Variants in ST7 observed in about 807,000 individuals in gnomAD.
ST7 encodes suppressor of tumorigenicity 7 protein.
ST7 carries 28 observed loss-of-function variants against 78.7 expected under a neutral mutation model. That is an observed-to-expected ratio of 0.36 (90% CI 0.26 to 0.49). ST7 has a LOEUF of 0.49. Among genes scored for constraint, ST7 ranks in the 20% least tolerant of loss-of-function variants. The pLI is 0.99. For missense variants in ST7, 418 were observed against 696.0 expected (o/e 0.60, Z 4.49); for synonymous variants, 247 against 249.6 (o/e 0.99, Z 0.10).
intron 10 of ST7, among the ~76,000 whole-genome samples, chr7:117,175,770 A>G (rs1584519714): frequency 6.6e-6 from 1 of 152,248 alleles, no homozygotes; most frequent in Admixed American, 6.5e-5. Context: ...TGGGACACAC[A>G]GTAAGAGTTC....
chr7:117,004,464 C>T lies in ST7; in HGVS notation c.151+50773C>T, dbSNP rs946920360. The stretch of plus-strand genomic sequence containing the variant: ...TCATATGAGGTCAGGAGTTCGAGAC[C>T]AGCCTGGCTAACATGGCGAAACCCC... On this transcript the variant is annotated intron_variant, in intron 1 of 15. Coordinates refer to ENST00000323984, the MANE Select transcript of ST7 (RefSeq NM_001369598.1). Among the ~76,000 whole-genome samples the T allele has an allele frequency of 9.1e-4, 138 of 152,174 alleles. 1 individual carries two copies. Among genetic ancestry groups the T allele is most frequent in the Non-Finnish European group, 2.1e-4 (14 of 68,012 alleles).
intron 3 of ST7, among the ~76,000 whole-genome samples, chr7:117,125,121 T>A (rs1386601776): frequency 1.3e-5 from 2 of 152,174 alleles, no homozygotes; most frequent in Non-Finnish European, 2.9e-5. Flanking sequence ...CACATCTTTT[T>A]AAAATCCTTT....
intron 1 of ST7, among the ~76,000 whole-genome samples, chr7:117,093,811 G>A (rs1288419368): frequency 1.3e-5 from 2 of 152,182 alleles, no homozygotes; most frequent in African/African-American, 4.8e-5. Context: ...ATTATGTTTA[G>A]CTCTTGTGAC....
chr7:117,220,867 G>A (rs1375449677), intron 14 of ST7, among the ~76,000 whole-genome samples: 1 of 152,166 alleles, frequency 6.6e-6, no homozygotes, highest in Non-Finnish European at 1.5e-5. Flanking sequence ...GTTCCTCCTG[G>A]ATTCCCTCCA....
chr7:117,141,614 C>G (rs2117092435), intron 9 of ST7, among the ~76,000 whole-genome samples: 1 of 152,272 alleles, frequency 6.6e-6, no homozygotes. Context: ...AATATTTTGG[C>G]AGTAAGCAGA....
rs930156543 is a variant in ST7 at position 117,229,959 on chromosome 7, C to A, written c.*102C>A. 5.7e-6 allele frequency: 6 copies of A among 1,056,598 alleles called. No individual in the cohort carries two copies. The highest frequency in any genetic ancestry group is 5.1e-5 in the Admixed American group (3 of 58,848). The allele number at this position is 1,056,598 out of a possible 1,614,324, so 65.5% of individuals were successfully genotyped here. Reference sequence around the variant, plus strand: ...AAAGCATGACTTTGAAAAAGGGAAGCCATTCCGAGATTTTAAAATGTTCAT... The same window carrying A: ...AAAGCATGACTTTGAAAAAGGGAAGACATTCCGAGATTTTAAAATGTTCAT... On this transcript the variant is annotated 3_prime_UTR_variant, in exon 16 of 16. Transcript: ENST00000323984.
intron 12 of ST7, among the ~76,000 whole-genome samples, chr7:117,204,920 A>G (rs1791600327): frequency 6.6e-6 from 1 of 152,174 alleles, no homozygotes; most frequent in Admixed American, 6.5e-5. Context: ...GCTTATTACA[A>G]GCCAGGCATG....
chr7:117,091,417 C>T (rs1003545290), intron 1 of ST7, among the ~76,000 whole-genome samples: 1 of 151,930 alleles, frequency 6.6e-6, no homozygotes, highest in Admixed American at 6.6e-5. Flanking sequence ...AGAAAAAAAA[C>T]CACTTACTGG....
At chr7:117,188,517 G>T (rs564091165) in intron 10 of ST7, among the ~76,000 whole-genome samples, 1 of 152,132 alleles carries the variant, frequency 6.6e-6, no homozygotes, top group Non-Finnish European at 1.5e-5. Context: ...TGCCCTCTTT[G>T]AGTTTATCTA....
chr7:116,989,685 T>C (rs879496265), intron 1 of ST7, among the ~76,000 whole-genome samples: 1 of 151,560 alleles, frequency 6.6e-6, no homozygotes, highest in Admixed American at 6.6e-5. Context: ...AAAAAAATTT[T>C]TTAATTAGCT....
intron 12 of ST7, among the ~76,000 whole-genome samples, chr7:117,207,151 T>C (rs1791837139): frequency 3.4e-5 from 1 of 29,078 alleles, no homozygotes; most frequent in Non-Finnish European, 1.2e-4. Flanking sequence ...TTCTTTTCAT[T>C]TTTTTTTTTT....
intron 1 of ST7, among the ~76,000 whole-genome samples, chr7:116,998,533 G>A (rs1277457197): frequency 2.0e-5 from 3 of 152,250 alleles, no homozygotes; most frequent in Admixed American, 6.5e-5. Context: ...CAAGGGCTGC[G>A]AGGGCTGCCA....
intron 9 of ST7, among the ~76,000 whole-genome samples, chr7:117,167,974 G>A (rs947747665): frequency 6.6e-6 from 1 of 152,146 alleles, no homozygotes; most frequent in Non-Finnish European, 1.5e-5. Context: ...AGCCAAGGAA[G>A]TTGTGGGCTT....
At chr7:117,041,770 G>A (rs1178977801) in intron 1 of ST7, among the ~76,000 whole-genome samples, 1 of 152,140 alleles carries the variant, frequency 6.6e-6, no homozygotes, top group African/African-American at 2.4e-5. Flanking sequence ...CTATGTCCAT[G>A]TCCTAATCTC....
chr7:117,107,839 T>C (rs1324224322), intron 2 of ST7, among the ~76,000 whole-genome samples: 1 of 152,012 alleles, frequency 6.6e-6, no homozygotes, highest in Non-Finnish European at 1.5e-5. Flanking sequence ...TCTGGCCAAC[T>C]TCTGACCTCA....
At chr7:117,050,306 C>T (rs555436064) in intron 1 of ST7, among the ~76,000 whole-genome samples, 136 of 152,182 alleles carry the variant, frequency 8.9e-4, no homozygotes, top group Non-Finnish European at 1.6e-3. Flanking sequence ...AGACAGACTG[C>T]TCCCATGGAG....
intron 9 of ST7, among the ~76,000 whole-genome samples, chr7:117,142,955 C>T (rs951736518): frequency 2.0e-5 from 3 of 152,066 alleles, no homozygotes; most frequent in Non-Finnish European, 4.4e-5. Context: ...GTCTGGGCTT[C>T]CCTTAGTGTG....
chr7:116,953,805 G>A, intron 1 of ST7, 114 bp downstream of exon 1: 1 of 698,846 alleles, frequency 1.4e-6, no homozygotes. Context: ...CGGGGCCCGC[G>A]CACCGGAGGC....
At chr7:116,993,022 C>T (rs1794496506) in intron 1 of ST7, among the ~76,000 whole-genome samples, 2 of 152,174 alleles carry the variant, frequency 1.3e-5, no homozygotes, top group Non-Finnish European at 2.9e-5. Context: ...CTTTATTGTC[C>T]ATATCGCTAT....
Sources: gnomAD v4.1 joint callset for allele counts (sites outside exome capture counted in the v4.1 genomes callset) on GRCh38, gnomAD v4.1.1 for gene constraint, MANE v1.5 for transcripts, NCBI Gene and HGNC (gene_info 2026-07-23, HGNC 2026-07-21) for gene names.